The following CEP192 variants were observed in gnomAD, a reference collection of about 807,000 sequenced individuals.
CEP192 encodes centrosomal protein of 192 kDa.
Under a neutral mutation model 271.8 loss-of-function variants are expected in CEP192, and 151 were observed. The ratio of observed to expected loss-of-function variants is 0.56; its 90% CI spans 0.49 to 0.64. The LOEUF (loss-of-function observed/expected upper bound fraction) is 0.64, where lower values mean the gene tolerates loss of function less well. Among genes scored for constraint, CEP192 ranks in the 30% least tolerant of loss-of-function variants. The pLI, the probability that CEP192 is intolerant of heterozygous loss-of-function variation, is 0.00. For synonymous variants in CEP192, 995 were observed against 1,076.5 expected (o/e 0.92, Z 1.48); for missense variants, 2,910 against 3,020.5 (o/e 0.96, Z 0.86).
At chr18:13,012,947 C>A in intron 4 of CEP192, 26 bp from the exon 5 acceptor site, 1 of 1,358,518 alleles carries the variant, frequency 7.4e-7, no homozygotes, top group Non-Finnish European at 1.0e-6. Context: ...CCTGGTCTCT[C>A]AGTTTGTTTT....
intron 40 of CEP192, among the ~76,000 whole-genome samples, chr18:13,106,405 C>T (rs2039948994): frequency 7.8e-6 from 1 of 128,054 alleles, no homozygotes; most frequent in Non-Finnish European, 1.7e-5. Context: ...ACTACTACCA[C>T]TCACCACTGC....
chr18:13,067,661 A>G (rs1394915489), intron 21 of CEP192, among the ~76,000 whole-genome samples, 170 bp from the exon 22 acceptor site: 2 of 152,226 alleles, frequency 1.3e-5, no homozygotes, highest in Non-Finnish European at 2.9e-5. Flanking sequence ...AGAATTTAAC[A>G]TTTATTTTTG....
chr18:13,118,731 G>A (rs2040539136), intron 44 of CEP192, among the ~76,000 whole-genome samples: 2 of 152,192 alleles, frequency 1.3e-5, no homozygotes, highest in African/African-American at 4.8e-5. Context: ...GCTACTGACA[G>A]CATAGAATTG....
intron 13 of CEP192, among the ~76,000 whole-genome samples, chr18:13,039,676 T>G (rs2036099911): frequency 6.6e-6 from 1 of 152,032 alleles, no homozygotes; most frequent in Non-Finnish European, 1.5e-5. Context: ...TGAGGGCTCC[T>G]GGTAGGAGGG....
intron 4 of CEP192, among the ~76,000 whole-genome samples, chr18:13,009,861 G>A (rs1256828385): frequency 6.6e-6 from 1 of 152,148 alleles, no homozygotes; most frequent in Admixed American, 6.5e-5. Context: ...CAAATTAGAT[G>A]TGGAGAAGAA....
chr18:13,030,858 C>T (rs564303664), intron 11 of CEP192, among the ~76,000 whole-genome samples: 31 of 152,194 alleles, frequency 2.0e-4, no homozygotes, highest in African/African-American at 7.2e-4. Context: ...CGTGTAGACC[C>T]CATAGTATTG....
chr18:13,037,316 GT>G lies in CEP192; in HGVS notation c.1599+19del. ...AATTTATACAGGTTTGTAATTATTT[GT>G]TTTATCCAAAATTTAAAATTTTTCC... On this transcript the variant is annotated intron_variant, in intron 12 of 44. Coordinates refer to ENST00000506447, the MANE Select transcript of CEP192 (RefSeq NM_032142.4). 2 of 1,174,852 alleles carry G rather than the reference GT, an allele frequency of 1.7e-6. No individual in the cohort carries two copies. Among genetic ancestry groups the G allele is most frequent in the Non-Finnish European group, 2.5e-6 (2 of 814,336 alleles). 72.8% of individuals were successfully genotyped at this position (1,174,852 alleles called of 1,614,324 possible).
chr18:13,011,817 T>G (rs2034376677), intron 4 of CEP192, among the ~76,000 whole-genome samples: 1 of 152,240 alleles, frequency 6.6e-6, no homozygotes, highest in Admixed American at 6.5e-5. Context: ...CATGAGCCAC[T>G]GTGTCCGACC....
At chr18:13,099,965 T>C (rs535799612) in intron 37 of CEP192, among the ~76,000 whole-genome samples, 9 of 152,336 alleles carry the variant, frequency 5.9e-5, no homozygotes, top group Middle Eastern at 6.8e-3. Context: ...CCCCCATGGA[T>C]ACCGAGGCAT....
intron 21 of CEP192, among the ~76,000 whole-genome samples, chr18:13,061,964 C>A (rs112816926): frequency 6.6e-6 from 1 of 152,174 alleles, no homozygotes; most frequent in Non-Finnish European, 1.5e-5. Flanking sequence ...TTGAGCCTAC[C>A]TTTAAGCAGT....
rs1046765626 is a variant in CEP192 at position 13,113,821 on chromosome 18, CTTGT to C, written c.7167+121_7167+124del. 138 of 987,764 alleles carry C rather than the reference CTTGT, an allele frequency of 1.4e-4. No homozygotes were observed. The African/African-American group carries it at 1.6e-3, about 11-fold the overall frequency. 61.2% of individuals were successfully genotyped at this position (987,764 alleles called of 1,614,324 possible). A position where few individuals can be genotyped will look rare whatever the true frequency, so the allele number is the denominator to read the frequency against. On this transcript the variant is annotated intron_variant, in intron 41 of 44. Transcript: ENST00000506447. ...AATATAGCCCCATAATCTTAATTTT[CTTGT>C]TTGTCTTTATTAATTGGCATGTTTG...
At chr18:13,038,298 G>T in intron 12 of CEP192, 72 bp from the exon 13 acceptor site, 9 of 1,224,516 alleles carry the variant, frequency 7.3e-6, no homozygotes, top group Admixed American at 5.4e-5. Context: ...GACTTTTTTA[G>T]TTTTTGTATA....
intron 21 of CEP192, among the ~76,000 whole-genome samples, chr18:13,065,485 C>A (rs556536): frequency 0.71 from 107,741 of 152,112 alleles, 39,339 homozygotes; most frequent in African/African-American, 0.89. Flanking sequence ...ACATTTAAAA[C>A]TTATTCTAAT....
chr18:13,050,267 A>G (rs776071385), intron 17 of CEP192, among the ~76,000 whole-genome samples: 7 of 152,214 alleles, frequency 4.6e-5, no homozygotes, highest in Non-Finnish European at 1.0e-4. Flanking sequence ...GTGGCTTTAT[A>G]AAAGATCTTT....
intron 3 of CEP192, among the ~76,000 whole-genome samples, chr18:13,003,819 C>T (rs902955870): frequency 9.9e-5 from 15 of 152,046 alleles, no homozygotes; most frequent in African/African-American, 3.4e-4. Context: ...CCCACTCTCG[C>T]GGTTATGTGG....
chr18:13,070,156 CA>C (rs74312508), intron 27 of CEP192, among the ~76,000 whole-genome samples: 20,493 of 141,730 alleles, frequency 0.14, 1,512 homozygotes, highest in East Asian at 0.32. Context: ...GAGTCCGTCT[CA>C]AAAAAAAAAA....
At chr18:12,992,632 G>A (rs543554416) in intron 1 of CEP192, among the ~76,000 whole-genome samples, 18 of 152,330 alleles carry the variant, frequency 1.2e-4, no homozygotes, top group East Asian at 3.9e-4. Context: ...ATTTCCTTTA[G>A]GAATGTGTTA....
intron 2 of CEP192, 145 bp downstream of exon 2, chr18:12,999,733 A>G (rs1423222715): frequency 3.7e-6 from 2 of 537,154 alleles, no homozygotes; most frequent in Non-Finnish European, 6.0e-6. Context: ...TATAGAAAAG[A>G]CAGAATTTAC....
At chr18:13,061,781 A>G (rs79702703) in intron 21 of CEP192, among the ~76,000 whole-genome samples, 6,636 of 152,262 alleles carry the variant, frequency 0.044, 216 homozygotes, top group East Asian at 0.14. Flanking sequence ...TGTGCAGTGT[A>G]GGATGTTTAG....
Sources: allele counts gnomAD v4.1 joint callset (sites outside exome capture counted in the v4.1 genomes callset), GRCh38; gene constraint gnomAD v4.1.1; transcripts MANE v1.5; gene names NCBI Gene and HGNC (gene_info 2026-07-23, HGNC 2026-07-21).